Variants in GAD2 observed in about 807,000 individuals in gnomAD.
GAD2 encodes 65 kDa glutamic acid decarboxylase.
Under a neutral mutation model 80.1 loss-of-function variants are expected in GAD2, and 22 were observed. That is an observed-to-expected ratio of 0.27 (90% CI 0.20 to 0.39). GAD2 has a LOEUF of 0.39. Ranked by LOEUF, GAD2 falls within the 10% of genes least tolerant of loss-of-function variation. The probability of loss-of-function intolerance (pLI) is 1.00; values close to 1 mark genes in which losing one functional copy is unlikely to be tolerated. For synonymous variants in GAD2, 274 were observed against 256.9 expected (o/e 1.07, Z -0.64); for missense variants, 624 against 738.4 (o/e 0.85, Z 1.80).
At chr10:26,226,658 A>G (rs1288253432) in intron 6 of GAD2, among the ~76,000 whole-genome samples, 1 of 152,218 alleles carries the variant, frequency 6.6e-6, no homozygotes, top group African/African-American at 2.4e-5. Context: ...AAAGCCACAC[A>G]TCTTATGCAT....
chr10:26,219,411 T>C, intron 4 of GAD2, 135 bp downstream of exon 4: 1 of 604,368 alleles, frequency 1.7e-6, no homozygotes, highest in East Asian at 2.8e-5. Context: ...ATGTAAAAAA[T>C]AGTCATTATT....
chr10:26,262,274 T>C (rs1386887401), intron 8 of GAD2, among the ~76,000 whole-genome samples: 1 of 151,460 alleles, frequency 6.6e-6, no homozygotes, highest in Admixed American at 6.6e-5. Flanking sequence ...TATTAGTTTT[T>C]TTTTTTTTCA....
intron 4 of GAD2, among the ~76,000 whole-genome samples, chr10:26,221,557 A>C (rs557385045): frequency 6.6e-6 from 1 of 152,348 alleles, no homozygotes; most frequent in East Asian, 1.9e-4. Context: ...AAGGGAATTA[A>C]GCGTCAGTAG....
Position 26,217,722 on chromosome 10 carries a change from T to G in GAD2, c.136+53T>G. On this transcript the variant is annotated intron_variant, in intron 2 of 15. Coordinates refer to ENST00000376261, the MANE Select transcript of GAD2 (RefSeq NM_001134366.2). The surrounding 1 kb of genome is among the most constrained non-coding windows in gnomAD (Gnocchi z 4.9). ...AGGTCGGCCCGCGGGGTCCAAGCAG[T>G]CTTCTCACCTCCGCATCCCAGTCAG... is the stretch of plus-strand genomic sequence containing the variant. 9 of 1,598,568 alleles carry G rather than the reference T, an allele frequency of 5.6e-6. No homozygotes were observed. Among genetic ancestry groups the G allele is most frequent in the Non-Finnish European group, 6.8e-6 (8 of 1,171,856 alleles).
chr10:26,241,404 C>A (rs1403449840), intron 7 of GAD2, among the ~76,000 whole-genome samples: 1 of 152,196 alleles, frequency 6.6e-6, no homozygotes, highest in East Asian at 1.9e-4. Flanking sequence ...ATGCCACACC[C>A]TCCTGTCTAG....
chr10:26,268,277 G>A (rs1589148754), intron 8 of GAD2, among the ~76,000 whole-genome samples: 2 of 152,040 alleles, frequency 1.3e-5, no homozygotes, highest in Admixed American at 6.6e-5. Flanking sequence ...GACCATCCTC[G>A]CTAACACGGT....
chr10:26,287,119 G>A (rs1426002188), intron 13 of GAD2, among the ~76,000 whole-genome samples: 1 of 152,084 alleles, frequency 6.6e-6, no homozygotes, highest in Admixed American at 6.5e-5. Flanking sequence ...AGCTTTCCAG[G>A]AGCCTACATT....
In GAD2 at chr10:26,229,700, C is replaced by T. The variant is rs747241251; in HGVS notation, c.763C>T (p.Arg255Cys). Residue 255 changes from arginine (R) to cysteine (C), a missense_variant, in exon 7 of 16, where the codon CGC (arginine) becomes TGC (cysteine). Coordinates refer to ENST00000376261, the MANE Select transcript of GAD2 (RefSeq NM_001134366.2). ...TAACATGTATGCCATGATGATCGCA[C>T]GCTTTAAGATGTTCCCAGAAGTCAA... ...ISNMYAMMIA[R>C]FKMFPEVKEK... 3.3e-5 allele frequency: 54 copies of T among 1,613,970 alleles called. No individual in the cohort carries two copies. The highest frequency in any genetic ancestry group is 4.1e-5 in the Non-Finnish European group (48 of 1,179,976).
intron 11 of GAD2, among the ~76,000 whole-genome samples, chr10:26,280,165 G>A (rs929356051): frequency 1.3e-5 from 2 of 152,108 alleles, no homozygotes; most frequent in African/African-American, 2.4e-5. Flanking sequence ...CTGGAGCAGG[G>A]GCACACCACA....
chr10:26,270,493 C>T, intron 9 of GAD2, 147 bp from the exon 10 acceptor site: 1 of 687,476 alleles, frequency 1.5e-6, no homozygotes, highest in East Asian at 2.5e-5. Context: ...CAATTTGTCC[C>T]AGACCCCGGG....
chr10:26,280,950 G>A (rs1006981882), intron 11 of GAD2, 59 bp from the exon 12 acceptor site: 59 of 1,085,548 alleles, frequency 5.4e-5, no homozygotes, highest in Non-Finnish European at 7.0e-5. Flanking sequence ...GCTCAGTTGC[G>A]CATGCCCTGA....
At chr10:26,280,980 C>G (rs1419161599) in intron 11 of GAD2, 29 bp from the exon 12 acceptor site, 1 of 1,579,178 alleles carries the variant, frequency 6.3e-7, no homozygotes, top group African/African-American at 1.3e-5. Flanking sequence ...GGTGGAGTGC[C>G]ACCCGCTTAT....
intron 12 of GAD2, among the ~76,000 whole-genome samples, chr10:26,285,719 C>T (rs1239280501): frequency 6.6e-5 from 10 of 151,496 alleles, no homozygotes; most frequent in Non-Finnish European, 1.5e-4. Context: ...AGGAATATGA[C>T]ATTTGAAAGA....
chr10:26,216,770 G>C (rs574559099), upstream of GAD2: 2 of 1,575,270 alleles, frequency 1.3e-6, no homozygotes, highest in Admixed American at 3.4e-5. The surrounding 1 kb of genome is among the most constrained non-coding windows in gnomAD (Gnocchi z 4.7). Context: ...CTCGCCCGCA[G>C]CTCGCACTCG....
intron 8 of GAD2, among the ~76,000 whole-genome samples, chr10:26,251,034 C>G (rs1844874531): frequency 6.7e-6 from 1 of 149,474 alleles, no homozygotes; most frequent in South Asian, 2.1e-4. Context: ...CGTCCACCAC[C>G]ATGCCCGGCA....
chr10:26,239,830 ACAAGTTTAG>A (rs1284896992), intron 7 of GAD2, among the ~76,000 whole-genome samples: 14 of 152,220 alleles, frequency 9.2e-5, no homozygotes, highest in Non-Finnish European at 1.6e-4. Context: ...AGAAGGGAGA[ACAAGTTTAG>A]CAAGCTCACA....
chr10:26,246,614 A>G (rs74895209), intron 8 of GAD2, among the ~76,000 whole-genome samples: 2,276 of 152,280 alleles, frequency 0.015, 49 homozygotes, highest in African/African-American at 0.05. Flanking sequence ...TTCATTAAGA[A>G]TTTTCATTAA....
intron 7 of GAD2, among the ~76,000 whole-genome samples, chr10:26,230,402 T>C (rs138746956): frequency 6.6e-6 from 1 of 152,086 alleles, no homozygotes; most frequent in East Asian, 2.0e-4. Context: ...ATAGATATTC[T>C]GCCCTCATGG....
At chr10:26,293,916 G>GA (rs1589155104) in intron 15 of GAD2, among the ~76,000 whole-genome samples, 1 of 152,346 alleles carries the variant, frequency 6.6e-6, no homozygotes, top group South Asian at 2.1e-4. Context: ...CCCACAGGGA[G>GA]AAAATGTAAC....
Sources: allele counts gnomAD v4.1 joint callset (sites outside exome capture counted in the v4.1 genomes callset), GRCh38; gene constraint gnomAD v4.1.1; non-coding constraint Gnocchi (gnomAD v3.1); transcripts MANE v1.5; gene names NCBI Gene and HGNC (gene_info 2026-07-23, HGNC 2026-07-21).